BLTP3B: variants seen among roughly 807,000 people sequenced by gnomAD.
BLTP3B encodes bridge-like lipid transfer protein family member 3B.
chr12:100,142,697 C>A, the BLTP3B span: 1 of 1,564,302 alleles, frequency 6.4e-7, no homozygotes, highest in Admixed American at 1.9e-5. Flanking sequence ...CTCTTCGTGG[C>A]CGTCTCCTCT....
chr12:100,076,783 A>C, the BLTP3B span, among the ~76,000 whole-genome samples: 2 of 152,350 alleles, frequency 1.3e-5, no homozygotes, highest in Non-Finnish European at 2.9e-5. Context: ...TTTTCTCTGC[A>C]TATATGGAAA....
At chr12:100,122,222 A>G in the BLTP3B span, among the ~76,000 whole-genome samples, 2 of 152,184 alleles carry the variant, frequency 1.3e-5, no homozygotes, top group Non-Finnish European at 1.5e-5. Flanking sequence ...CTGCCATCCA[A>G]TGGAGATATT....
At chr12:100,095,888 T>A in the BLTP3B span, 2 of 1,419,060 alleles carry the variant, frequency 1.4e-6, no homozygotes, top group Non-Finnish European at 9.4e-7. Context: ...ATAAACCTTA[T>A]AATACGCTTG....
chr12:100,139,578 TACTC>T, the BLTP3B span, among the ~76,000 whole-genome samples: 1 of 152,162 alleles, frequency 6.6e-6, no homozygotes, highest in African/African-American at 2.4e-5. Context: ...ATGATTCAAT[TACTC>T]ACTGCCTCCT....
chr12:100,089,739 AAAAAC>A, the BLTP3B span, among the ~76,000 whole-genome samples: 3 of 152,212 alleles, frequency 2.0e-5, no homozygotes, highest in Admixed American at 6.5e-5. Flanking sequence ...TATATATATT[AAAAAC>A]AAAACAAATG....
chr12:100,077,299 G>A, the BLTP3B span, among the ~76,000 whole-genome samples: 1 of 152,132 alleles, frequency 6.6e-6, no homozygotes, highest in Non-Finnish European at 1.5e-5. Flanking sequence ...AAGCCTAGGA[G>A]GAATAGGATA....
the BLTP3B span, among the ~76,000 whole-genome samples, chr12:100,133,108 G>C: frequency 1.3e-5 from 2 of 152,200 alleles, no homozygotes; most frequent in Admixed American, 1.3e-4. Context: ...TGGGGGTGGT[G>C]GTGGGTGCCT....
the BLTP3B span, chr12:100,108,513 A>AGC: frequency 6.2e-7 from 1 of 1,612,304 alleles, no homozygotes; most frequent in Non-Finnish European, 8.5e-7. Flanking sequence ...AAGGGTACTT[A>AGC]GATTTATCTT....
At chr12:100,124,954 A>T in the BLTP3B span, among the ~76,000 whole-genome samples, 23 of 86,412 alleles carry the variant, frequency 2.7e-4, no homozygotes, top group African/African-American at 1.1e-3. Flanking sequence ...ATATATATAT[A>T]TATATATATA....
At chr12:100,129,219 G>T in the BLTP3B span, among the ~76,000 whole-genome samples, 1 of 151,134 alleles carries the variant, frequency 6.6e-6, no homozygotes, top group African/African-American at 2.4e-5. Context: ...AAACCAAAGA[G>T]ATATCCAGCA....
chr12:100,142,545 G>T, the BLTP3B span: 1 of 1,593,730 alleles, frequency 6.3e-7, no homozygotes, highest in South Asian at 1.1e-5. Context: ...CTCCAGTGCG[G>T]GCTGGGGTGG....
At chr12:100,141,445 G>GGA in the BLTP3B span, among the ~76,000 whole-genome samples, 1 of 126,064 alleles carries the variant, frequency 7.9e-6, no homozygotes, top group Non-Finnish European at 1.6e-5. Context: ...GTATATATAT[G>GGA]TACACACACA....
the BLTP3B span, chr12:100,058,344 TCTTCA>T: frequency 6.2e-7 from 1 of 1,613,652 alleles, no homozygotes; most frequent in Non-Finnish European, 8.5e-7. Flanking sequence ...ACTACTTTCA[TCTTCA>T]CTTATTTTCC....
the BLTP3B span, among the ~76,000 whole-genome samples, chr12:100,105,129 A>T: frequency 1.3e-5 from 2 of 152,162 alleles, no homozygotes; most frequent in African/African-American, 4.8e-5. Flanking sequence ...ACAGAATTAG[A>T]AAAAACAATC....
the BLTP3B span, among the ~76,000 whole-genome samples, chr12:100,069,624 G>T: frequency 6.6e-6 from 1 of 151,930 alleles, no homozygotes; most frequent in Non-Finnish European, 1.5e-5. Context: ...ACTAAACATC[G>T]TATGTTCTTC....
the BLTP3B span, among the ~76,000 whole-genome samples, chr12:100,076,220 T>C: frequency 1.3e-5 from 2 of 152,058 alleles, no homozygotes; most frequent in African/African-American, 4.8e-5. Flanking sequence ...TTCACAAAGT[T>C]CAACCAATAA....
At chr12:100,039,791 T>C in the BLTP3B span, 18 of 1,606,170 alleles carry the variant, frequency 1.1e-5, no homozygotes, top group Non-Finnish European at 1.5e-5. Context: ...TGTGAGAATC[T>C]GATCAAACAA....
the BLTP3B span, among the ~76,000 whole-genome samples, chr12:100,045,398 T>G: frequency 6.6e-6 from 1 of 151,930 alleles, no homozygotes; most frequent in African/African-American, 2.4e-5. Context: ...CAGTGGAACA[T>G]AACAGAGGCC....
At chr12:100,058,062 G>T in the BLTP3B span, 1 of 1,582,266 alleles carries the variant, frequency 6.3e-7, no homozygotes. Flanking sequence ...TGTTCTAACT[G>T]GGGGGGTCTC....
Sources: allele counts gnomAD v4.1 joint callset (sites outside exome capture counted in the v4.1 genomes callset), GRCh38; gene constraint gnomAD v4.1.1; transcripts MANE v1.5; gene names NCBI Gene and HGNC (gene_info 2026-07-23, HGNC 2026-07-21).